Variants in USH2A observed in about 807,000 individuals in gnomAD.
USH2A encodes usherin.
In USH2A, 443 loss-of-function variants were observed where a neutral mutation model predicts 538.9. That is an observed-to-expected ratio of 0.82 (90% CI 0.76 to 0.89). The LOEUF (loss-of-function observed/expected upper bound fraction) is 0.89, where lower values mean the gene tolerates loss of function less well. Ranked by LOEUF, USH2A falls within the 40% of genes least tolerant of loss-of-function variation. The pLI, the probability that USH2A is intolerant of heterozygous loss-of-function variation, is 0.00. For synonymous variants in USH2A, 2,413 were observed against 2,273.5 expected, an observed-to-expected ratio of 1.06 and a Z score of -1.75; for missense variants, 6,633 against 6,324.8, an observed-to-expected ratio of 1.05 and a Z score of -1.65.
Position 216,247,085 on chromosome 1 carries a change from T to C in USH2A, c.2309A>G (p.Lys770Arg), listed in dbSNP as rs922647209. 1.2e-6 allele frequency: 2 copies of C among 1,613,924 alleles called. No individual in the cohort carries two copies. The highest frequency in any genetic ancestry group is 2.7e-5 in the African/African-American group (2 of 74,906). ...NPHSGQCECK[K>R]EAKGLQCDTC... is the part of the protein sequence containing the mutation. ...GTCACACTGAAGTCCTTTGGCTTCT[T>C]TTTTGCACTCACACTGCCCAGAGTG... The change falls in exon 13 of 72, where the codon AAA (lysine) becomes AGA (arginine). Residue 770 changes from lysine (K) to arginine (R), a missense_variant. Lys to Arg is a conservative substitution (Grantham distance 26). Transcript: ENST00000307340.
chr1:215,763,192 G>C lies in USH2A; in HGVS notation c.11048-3349C>G, dbSNP rs566908061. Among the ~76,000 whole-genome samples the C allele has an allele frequency of 2.0e-5, 3 of 152,232 alleles. No individual in the cohort carries two copies. In the East Asian group the frequency reaches 5.8e-4, roughly 29 times the overall value. On this transcript the variant is annotated intron_variant, in intron 56 of 71. Coordinates refer to ENST00000307340, the MANE Select transcript of USH2A (RefSeq NM_206933.4). ...TGGGCACTGTGGATGGGAAGATAAA[G>C]ACTTTTTCTTATCCTTCATGGAGTT...
intron 3 of USH2A, among the ~76,000 whole-genome samples, chr1:216,400,216 TTA>T (rs71161422): frequency 0.028 from 4,193 of 147,188 alleles, 173 homozygotes; most frequent in African/African-American, 0.092. Context: ...GAAATAGAAG[TTA>T]TATATATATA....
At chr1:215,848,655 A>G (rs912791049) in intron 44 of USH2A, among the ~76,000 whole-genome samples, 2 of 152,198 alleles carry the variant, frequency 1.3e-5, no homozygotes, top group African/African-American at 4.8e-5. Flanking sequence ...GCTCTTGAGA[A>G]CAGAAACAGG....
rs565022154 is a variant in USH2A, at chr1:215,644,028, AAGG to A, written c.14792-3297_14792-3295del. ...AAAATTGGCTTCTGGATGTAGTGCAAAGGAGATTACAAAATCAGACAGCACACA... is the reference window on the plus strand; with the variant it reads ...AAAATTGGCTTCTGGATGTAGTGCAAAGATTACAAAATCAGACAGCACACA... On this transcript the variant is annotated intron_variant, in intron 67 of 71. Coordinates refer to ENST00000307340, the MANE Select transcript of USH2A (RefSeq NM_206933.4). Among the ~76,000 whole-genome samples, 5 of 152,378 alleles carry A rather than the reference AAGG, an allele frequency of 3.3e-5. No homozygotes were observed. In the South Asian group the frequency reaches 1.0e-3, roughly 32 times the overall value.
chr1:215,628,813 C>G lies in USH2A; in HGVS notation c.15519+1G>C, dbSNP rs752310332. On this transcript the variant is annotated splice_donor_variant, in intron 71 of 71. Transcript: ENST00000307340. LOFTEE classifies it high-confidence loss of function. ...GGCCCTGTATGAGGAAACCAACTCA[C>G]CAGTCCACTGTTGTGGCCCATGATG... 1 of 1,614,092 alleles carries G rather than the reference C, an allele frequency of 6.2e-7. No homozygotes were observed. The highest frequency in any genetic ancestry group is 1.1e-5 in the South Asian group (1 of 91,072).
intron 13 of USH2A, among the ~76,000 whole-genome samples, chr1:216,241,143 A>G (rs906129664): frequency 6.6e-6 from 1 of 152,200 alleles, no homozygotes; most frequent in African/African-American, 2.4e-5. Context: ...TTAACCAAAT[A>G]AAGGGATTGC....
chr1:215,771,640 A>G (rs1424128225), intron 55 of USH2A, among the ~76,000 whole-genome samples: 1 of 142,898 alleles, frequency 7.0e-6, no homozygotes, highest in Admixed American at 7.2e-5. Flanking sequence ...GTGGGACTAT[A>G]TATTTAAATA....
At chr1:216,279,307 T>C (rs1349405941) in intron 11 of USH2A, among the ~76,000 whole-genome samples, 2 of 152,162 alleles carry the variant, frequency 1.3e-5, no homozygotes, top group African/African-American at 4.8e-5. Flanking sequence ...CAGGGCACAA[T>C]TCAAGCCTAA....
intron 15 of USH2A, among the ~76,000 whole-genome samples, chr1:216,214,930 A>C (rs140948559): frequency 2.4e-3 from 363 of 152,110 alleles, no homozygotes; most frequent in African/African-American, 8.4e-3. Context: ...TTCGCTAGGA[A>C]AGCATACAGA....
At chr1:216,414,490 C>A (rs2039544813) in intron 3 of USH2A, among the ~76,000 whole-genome samples, 1 of 151,908 alleles carries the variant, frequency 6.6e-6, no homozygotes, top group Admixed American at 6.6e-5. Flanking sequence ...TCTTTTCCCC[C>A]AGATATTTAA....
chr1:216,292,355 G>T lies in USH2A; in HGVS notation c.1660C>A (p.Pro554Thr). 6.2e-7 allele frequency: 1 copy of T among 1,613,866 alleles called. No individual in the cohort carries two copies. Among genetic ancestry groups the T allele is most frequent in the Non-Finnish European group, 8.5e-7 (1 of 1,179,886 alleles). The change falls in exon 10 of 72, where the codon CCT becomes ACT. Residue 554 changes from proline (P) to threonine (T), a missense_variant. Transcript: ENST00000307340. The part of the protein sequence containing the change: ...TEGLHCDRCL[P>T]LYNDKPFRQG... ...CGGAAAGGCTTGTCATTATAAAGAG[G>T]CAAGCAGCGATCACACTAGAACAAA...
intron 42 of USH2A, 107 bp from the exon 43 acceptor site, chr1:215,877,987 A>C: frequency 5.4e-6 from 8 of 1,481,066 alleles, no homozygotes; most frequent in Non-Finnish European, 5.6e-6. Flanking sequence ...GCGTGGAAGC[A>C]TAAAGAATAA....
chr1:216,102,887 C>T (rs2032626239), intron 21 of USH2A, among the ~76,000 whole-genome samples: 1 of 152,196 alleles, frequency 6.6e-6, no homozygotes, highest in South Asian at 2.1e-4. Context: ...CATCCAGCCC[C>T]ACCCAAATGC....
At chr1:215,807,888 T>C (rs1431054538) in intron 49 of USH2A, among the ~76,000 whole-genome samples, 1 of 152,124 alleles carries the variant, frequency 6.6e-6, no homozygotes, top group African/African-American at 2.4e-5. Context: ...AAACATTTTT[T>C]TTCTATTTAG....
chr1:215,867,590 A>G (rs942853262), intron 43 of USH2A, among the ~76,000 whole-genome samples: 1 of 152,180 alleles, frequency 6.6e-6, no homozygotes, highest in African/African-American at 2.4e-5. Context: ...AAACTCATCC[A>G]TTTTCAAATA....
At chr1:215,722,046 C>G (rs1331414598) in intron 61 of USH2A, among the ~76,000 whole-genome samples, 2 of 139,936 alleles carry the variant, frequency 1.4e-5, no homozygotes, top group Admixed American at 7.6e-5. Context: ...GCCTGTGTGA[C>G]AGAGCAAGAC....
chr1:216,097,307 A>G, intron 21 of USH2A, 94 bp from the exon 22 acceptor site: 1 of 1,599,238 alleles, frequency 6.3e-7, no homozygotes, highest in South Asian at 1.1e-5. Context: ...TTTATGATGT[A>G]GTGAGTACAG....
chr1:215,682,884 T>C (rs1374308879), intron 61 of USH2A, among the ~76,000 whole-genome samples: 2 of 151,964 alleles, frequency 1.3e-5, no homozygotes, highest in East Asian at 3.9e-4. Flanking sequence ...TTATTATTCT[T>C]ATTTTTTGGC....
chr1:215,997,919 T>C (rs1668175572), intron 34 of USH2A, among the ~76,000 whole-genome samples: 1 of 152,154 alleles, frequency 6.6e-6, no homozygotes, highest in African/African-American at 2.4e-5. Flanking sequence ...ACAGTATTTT[T>C]TTAACCACTG....
Sources: allele counts gnomAD v4.1 joint callset (sites outside exome capture counted in the v4.1 genomes callset), GRCh38; gene constraint gnomAD v4.1.1; transcripts MANE v1.5; gene names NCBI Gene and HGNC (gene_info 2026-07-23, HGNC 2026-07-21).